IL2RA: variants seen among roughly 807,000 people sequenced by gnomAD.
The protein encoded by IL2RA is interleukin-2 receptor subunit alpha.
In IL2RA, 24 loss-of-function variants were observed where a neutral mutation model predicts 37.8. The ratio of observed to expected loss-of-function variants is 0.63; its 90% confidence interval spans 0.46 to 0.89. IL2RA has a LOEUF of 0.89. IL2RA is among the 40% of genes least tolerant of loss of function. The probability of loss-of-function intolerance (pLI) is 0.00; values close to 1 mark genes in which losing one functional copy is unlikely to be tolerated. For missense variants in IL2RA, 319 were observed against 348.6 expected, an observed-to-expected ratio of 0.92 and a Z score of 0.68; for synonymous variants, 125 against 114.6, an observed-to-expected ratio of 1.09 and a Z score of -0.58.
rs1391425510 is a variant in IL2RA at position 6,029,098 on chromosome 10, A to G, written c.65-3073T>C. Among the ~76,000 whole-genome samples, 1 of 151,960 alleles carries G rather than the reference A, an allele frequency of 6.6e-6. No homozygotes were observed. The highest frequency in any genetic ancestry group is 1.5e-5 in the Non-Finnish European group (1 of 68,002). On this transcript the variant is annotated intron_variant, in intron 1 of 7. Coordinates refer to ENST00000379959, the MANE Select transcript of IL2RA (RefSeq NM_000417.3). This position sits in a 1 kb window ranked among gnomAD's most constrained non-coding sequence, Gnocchi z 4.6. Reference sequence around the variant, plus strand: ...CAATGACTTAAAGCAGAGGTCAGTAAACTATGACCTGCAGATTTGCTGCCA... The same window carrying G: ...CAATGACTTAAAGCAGAGGTCAGTAGACTATGACCTGCAGATTTGCTGCCA...
rs200350329 is a variant in IL2RA at position 6,021,304 on chromosome 10, CT to C, written c.583+173del. The stretch of plus-strand genomic sequence containing the variant: ...AAGGAGCCCTTAGAGTCCATCTGAT[CT>C]GGTCTATTTAAATTTTTTTTTTTTT... On this transcript the variant is annotated intron_variant, in intron 4 of 7. Transcript: ENST00000379959. This position sits in a 1 kb window ranked among gnomAD's most constrained non-coding sequence, Gnocchi z 4.9. 0.029 allele frequency among the ~76,000 whole-genome samples: 3,263 copies of C among 110,886 alleles called. 180 individuals are homozygous for C. Among genetic ancestry groups the C allele is most frequent in the East Asian group, 0.22 (917 of 4,114 alleles). 72.7% of individuals were successfully genotyped at this position (110,886 alleles called of 152,430 possible). A position where few individuals can be genotyped will look rare whatever the true frequency, so the allele number is the denominator to read the frequency against.
chr10:6,060,243 G>A (rs1052477016), intron 1 of IL2RA, among the ~76,000 whole-genome samples: 1 of 152,162 alleles, frequency 6.6e-6, no homozygotes, highest in African/African-American at 2.4e-5. Context: ...CGGCACGATG[G>A]ACTCTGAGGA....
rs1474145462 is a variant in IL2RA, at chr10:6,025,372, G to A, written c.256+462C>T. Reference sequence around the variant, plus strand: ...GTCTCAAAAATAAAAATAAAATTGTGTGGCCGGGCACTGTGACTCATGCCT... The same window carrying A: ...GTCTCAAAAATAAAAATAAAATTGTATGGCCGGGCACTGTGACTCATGCCT... On this transcript the variant is annotated intron_variant, in intron 2 of 7. Transcript: ENST00000379959. The surrounding 1 kb of genome is among the most constrained non-coding windows in gnomAD (Gnocchi z 4.4). Among the ~76,000 whole-genome samples the A allele has an allele frequency of 6.6e-6, 1 of 151,486 alleles. No individual in the cohort carries two copies. Among genetic ancestry groups the A allele is most frequent in the Non-Finnish European group, 1.5e-5 (1 of 67,790 alleles).
chr10:6,037,061 A>T (rs1464512006), intron 1 of IL2RA, among the ~76,000 whole-genome samples: 1 of 152,098 alleles, frequency 6.6e-6, no homozygotes, highest in African/African-American at 2.4e-5. Context: ...CCCCCTCTCC[A>T]TCTGCCCCCT....
rs746995540 is a variant in IL2RA at position 6,019,518 on chromosome 10, G to A, written c.656-19C>T. On this transcript the variant is annotated intron_variant, in intron 5 of 7. Coordinates refer to ENST00000379959, the MANE Select transcript of IL2RA (RefSeq NM_000417.3). ...TGAAAATCTGTGAAAAAGAGATAAA[G>A]AGAGACACTCCTGCTACCGTGACTT... The A allele has an allele frequency of 6.4e-7, 1 of 1,574,466 alleles. No individual in the cohort carries two copies. Among genetic ancestry groups the A allele is most frequent in the Admixed American group, 1.7e-5 (1 of 59,990 alleles).
chr10:6,049,185 C>T (rs809356), intron 1 of IL2RA, among the ~76,000 whole-genome samples: 57,862 of 152,002 alleles, frequency 0.38, 11,738 homozygotes, highest in Non-Finnish European at 0.46. Context: ...GCAGAGGGGC[C>T]CTGCTGTAAG....
Position 6,025,166 on chromosome 10 carries a change from C to T in IL2RA, c.256+668G>A, listed in dbSNP as rs1839458910. Among the ~76,000 whole-genome samples the T allele has an allele frequency of 6.6e-6, 1 of 152,046 alleles. No homozygotes were observed. The highest frequency in any genetic ancestry group is 1.5e-5 in the Non-Finnish European group (1 of 68,034). ...GCCAGGAGTTCGAGACCAGCCTGGC[C>T]AACATGGCGAAACCCCATCTTTGCT... On this transcript the variant is annotated intron_variant, in intron 2 of 7. Coordinates refer to ENST00000379959, the MANE Select transcript of IL2RA (RefSeq NM_000417.3). The surrounding 1 kb of genome is among the most constrained non-coding windows in gnomAD (Gnocchi z 4.4).
At chr10:6,019,587 T>G (rs1435707432) in intron 5 of IL2RA, 88 bp from the exon 6 acceptor site, 1 of 1,018,684 alleles carries the variant, frequency 9.8e-7, no homozygotes, top group Non-Finnish European at 1.6e-6. Context: ...TCTCTGTGAA[T>G]GAGAAGCTCA....
rs965746144 is a variant in IL2RA at position 6,020,849 on chromosome 10, T to C, written c.583+629A>G. 3.3e-5 allele frequency among the ~76,000 whole-genome samples: 5 copies of C among 152,238 alleles called. No homozygotes were observed. The highest frequency in any genetic ancestry group is 1.3e-4 in the Admixed American group (2 of 15,284). On this transcript the variant is annotated intron_variant, in intron 4 of 7. Coordinates refer to ENST00000379959, the MANE Select transcript of IL2RA (RefSeq NM_000417.3). The surrounding 1 kb of genome is among the most constrained non-coding windows in gnomAD (Gnocchi z 5.6). ...TGCCCAGCCTGCATGTAAGTCACTT[T>C]TGATTGTCGTGATACTAATAAGATT...
intron 3 of IL2RA, among the ~76,000 whole-genome samples, chr10:6,023,244 A>G (rs1351324826): frequency 1.3e-5 from 2 of 152,208 alleles, no homozygotes; most frequent in African/African-American, 2.4e-5. Flanking sequence ...AGGTTGTAAA[A>G]TCAGCAAAGG....
At chr10:6,019,816 C>T (rs1839352018) in intron 5 of IL2RA, 54 bp downstream of exon 5, 9 of 1,523,668 alleles carry the variant, frequency 5.9e-6, no homozygotes, top group South Asian at 2.2e-5. Flanking sequence ...CTCCTGGTCA[C>T]CTCTGCCCTT....
rs12722522 is a variant in IL2RA, at chr10:6,036,590, G to A, written c.65-10565C>T. On this transcript the variant is annotated intron_variant, in intron 1 of 7. Transcript: ENST00000379959. This position sits in a 1 kb window ranked among gnomAD's most constrained non-coding sequence, Gnocchi z 6.1. ...GGCAGGCCAGCGGCTCTTCCCTGACGTGGAATTATGAGCCCTCTTTCTTCG... is the reference window on the plus strand; with the variant it reads ...GGCAGGCCAGCGGCTCTTCCCTGACATGGAATTATGAGCCCTCTTTCTTCG... Among the ~76,000 whole-genome samples, 11,077 of 152,264 alleles carry A rather than the reference G, an allele frequency of 0.073. 516 individuals are homozygous for A. Among genetic ancestry groups the A allele is most frequent in the Non-Finnish European group, 0.1 (7,067 of 68,016 alleles).
At position 6,025,919 on chromosome 10, in the gene IL2RA, T is replaced by A. The variant is rs1175936796; in HGVS notation, c.171A>T (p.Arg57Ser). 5 of 1,614,106 alleles carry A rather than the reference T, an allele frequency of 3.1e-6. No homozygotes were observed. Among genetic ancestry groups the A allele is most frequent in the Non-Finnish European group, 4.2e-6 (5 of 1,180,052 alleles). Residue 57 changes from arginine (R) to serine (S), a missense_variant, in exon 2 of 8, where the codon AGA (arginine) becomes AGT (serine). Physicochemically the swap from Arg to Ser is moderately radical, Grantham distance 110. Transcript: ENST00000379959. The surrounding 1 kb of genome is among the most constrained non-coding windows in gnomAD (Gnocchi z 4.4). ...GCATATAGAGTGACCCGCTTTTTAT[T>A]CTGCGGAAACCTCTCTTGCATTCAC... ...LNCECKRGFR[R>S]IKSGSLYMLC... is the part of the protein sequence containing the mutation.
chr10:6,051,346 C>A (rs890517247), intron 1 of IL2RA, among the ~76,000 whole-genome samples: 1 of 152,004 alleles, frequency 6.6e-6, no homozygotes, highest in Admixed American at 6.6e-5. Context: ...AAGAGGCTGA[C>A]GTCAACTTTA....
intron 1 of IL2RA, among the ~76,000 whole-genome samples, chr10:6,030,513 A>C (rs1759269823): frequency 6.6e-6 from 1 of 152,192 alleles, no homozygotes; most frequent in Admixed American, 6.5e-5. Flanking sequence ...AAAGAAAAAA[A>C]CCCGTCAACC....
chr10:6,018,940 C>A lies in IL2RA; in HGVS notation c.727+488G>T, dbSNP rs1326458307. On this transcript the variant is annotated intron_variant, in intron 6 of 7. Transcript: ENST00000379959. The surrounding 1 kb of genome is among the most constrained non-coding windows in gnomAD (Gnocchi z 5.1). ...TCTATCTACCAACCAACTCACTAACCAACCAACCAGCTAACCAACCAAACT... is the reference window on the plus strand; with the variant it reads ...TCTATCTACCAACCAACTCACTAACAAACCAACCAGCTAACCAACCAAACT... Among the ~76,000 whole-genome samples, 1 of 152,088 alleles carries A rather than the reference C, an allele frequency of 6.6e-6. No individual in the cohort carries two copies. The highest frequency in any genetic ancestry group is 1.5e-5 in the Non-Finnish European group (1 of 68,006).
chr10:6,018,814 G>A lies in IL2RA; in HGVS notation c.727+614C>T, dbSNP rs1003621184. Among the ~76,000 whole-genome samples, 3 of 152,156 alleles carry A rather than the reference G, an allele frequency of 2.0e-5. No homozygotes were observed. The highest frequency in any genetic ancestry group is 7.2e-5 in the African/African-American group (3 of 41,426). On this transcript the variant is annotated intron_variant, in intron 6 of 7. Transcript: ENST00000379959. This position sits in a 1 kb window ranked among gnomAD's most constrained non-coding sequence, Gnocchi z 5.1. The stretch of plus-strand genomic sequence containing the variant: ...TTCACTCACACATTCTGCAGTGTAA[G>A]GAAGGGGTCCTTTCAGTCAACCAAC...
chr10:6,061,808 T>C (rs2132911493), intron 1 of IL2RA, among the ~76,000 whole-genome samples: 1 of 152,296 alleles, frequency 6.6e-6, no homozygotes, highest in Non-Finnish European at 1.5e-5. Flanking sequence ...CCTGTTAACA[T>C]CCAAATATCC....
chr10:6,032,492 A>G (rs975194903), intron 1 of IL2RA, among the ~76,000 whole-genome samples: 20 of 152,058 alleles, frequency 1.3e-4, no homozygotes, highest in Admixed American at 1.2e-3. Context: ...GGAGATGGAG[A>G]CCATCCTGGC....
Sources: gnomAD v4.1 joint callset for allele counts (sites outside exome capture counted in the v4.1 genomes callset) on GRCh38, gnomAD v4.1.1 for gene constraint, Gnocchi (gnomAD v3.1) non-coding constraint, MANE v1.5 for transcripts, NCBI Gene and HGNC (gene_info 2026-07-23, HGNC 2026-07-21) for gene names.